Variants in GLRA3 observed in about 807,000 individuals in gnomAD.
GLRA3 encodes the protein glycine receptor subunit alpha-3.
In GLRA3, 44 loss-of-function variants were observed where a neutral mutation model predicts 60.4. That is an observed-to-expected ratio of 0.73 (90% confidence interval 0.57 to 0.94). The LOEUF (loss-of-function observed/expected upper bound fraction) is 0.94. GLRA3 is among the 40% of genes least tolerant of loss of function. GLRA3 has a pLI of 0.00. For missense variants in GLRA3, 508 were observed against 564.6 expected, an observed-to-expected ratio of 0.90 and a Z score of 1.02; for synonymous variants, 223 against 192.9, an observed-to-expected ratio of 1.16 and a Z score of -1.29.
At chr4:174,754,221 C>T (rs1737599265) in intron 3 of GLRA3, among the ~76,000 whole-genome samples, 1 of 152,030 alleles carries the variant, frequency 6.6e-6, no homozygotes, top group Admixed American at 6.6e-5. Flanking sequence ...CATGGGGTCA[C>T]CAAAGTGTAT....
chr4:174,730,012 G>A (rs948170697), intron 3 of GLRA3, among the ~76,000 whole-genome samples: 3 of 152,080 alleles, frequency 2.0e-5, no homozygotes, highest in African/African-American at 7.2e-5. Context: ...TGTGCCCTGA[G>A]ACTATATTCT....
chr4:174,754,055 A>G (rs1380700711), intron 3 of GLRA3, among the ~76,000 whole-genome samples: 1 of 152,074 alleles, frequency 6.6e-6, no homozygotes, highest in Non-Finnish European at 1.5e-5. Context: ...TTTTAACAAC[A>G]TTATAGCACT....
In GLRA3 at chr4:174,728,611, C is replaced by T. The variant is rs370809134; in HGVS notation, c.355G>A (p.Asp119Asn). 9 of 1,612,008 alleles carry T rather than the reference C, an allele frequency of 5.6e-6. No homozygotes were observed. Among genetic ancestry groups the T allele is most frequent in the South Asian group, 1.1e-5 (1 of 91,028 alleles). Residue 119 changes from aspartate (D) to asparagine (N), a missense_variant, in exon 4 of 10, where the codon GAC becomes AAC. Asp to Asn is a conservative substitution (Grantham distance 23). Transcript: ENST00000274093. ...CAAATGGAGTCCAACATGGAGGGGTCGAGGTCTAAAGAGTCGTCAGGATAT... is the reference window on the plus strand; with the variant it reads ...CAAATGGAGTCCAACATGGAGGGGTTGAGGTCTAAAGAGTCGTCAGGATAT... ...SEYPDDSLDL[D>N]PSMLDSIWKP...
intron 2 of GLRA3, among the ~76,000 whole-genome samples, chr4:174,783,954 G>GCCAT (rs1739004896): frequency 9.3e-5 from 14 of 150,916 alleles, no homozygotes; most frequent in Admixed American, 9.2e-4. Context: ...ATTTGATCCA[G>GCCAT]CCATCCCATT....
intron 1 of GLRA3, among the ~76,000 whole-genome samples, chr4:174,821,835 T>C (rs1032671098): frequency 1.1e-4 from 17 of 152,184 alleles, no homozygotes; most frequent in Admixed American, 9.2e-4. Context: ...CTAAGGAGAT[T>C]GTTTGATCCT....
At chr4:174,820,017 A>G (rs894586884) in intron 1 of GLRA3, among the ~76,000 whole-genome samples, 9 of 152,210 alleles carry the variant, frequency 5.9e-5, no homozygotes, top group African/African-American at 2.2e-4. Flanking sequence ...TATGGTATGA[A>G]GCGTTATTTT....
chr4:174,807,297 A>C (rs1355902391), intron 1 of GLRA3, among the ~76,000 whole-genome samples: 4 of 152,086 alleles, frequency 2.6e-5, no homozygotes, highest in Non-Finnish European at 4.4e-5. Context: ...ATTCAAAAAT[A>C]GTTCAAGAGT....
chr4:174,786,295 T>C (rs960694546), intron 2 of GLRA3, among the ~76,000 whole-genome samples: 1 of 152,108 alleles, frequency 6.6e-6, no homozygotes, highest in Non-Finnish European at 1.5e-5. Context: ...ATTGTATTTT[T>C]AGTCATGTGA....
Position 174,727,797 on chromosome 4 carries a change from G to GT in GLRA3, c.491+677dup, listed in dbSNP as rs201811599. Among the ~76,000 whole-genome samples, 339 of 151,624 alleles carry GT rather than the reference G, an allele frequency of 2.2e-3. 1 individual carries two copies. The highest frequency in any genetic ancestry group is 4.1e-3 in the Non-Finnish European group (277 of 67,870). ...GGTATTAATTATTATTCAATATTGG[G>GT]TTTTTTTTAATGCTATACACTTTTC... On this transcript the variant is annotated intron_variant, in intron 4 of 9. Coordinates refer to ENST00000274093, the MANE Select transcript of GLRA3 (RefSeq NM_006529.4).
intron 1 of GLRA3, among the ~76,000 whole-genome samples, chr4:174,810,324 C>T (rs1043148045): frequency 1.4e-4 from 21 of 152,100 alleles, no homozygotes; most frequent in Non-Finnish European, 2.1e-4. Flanking sequence ...AATGGATTAG[C>T]GGTGGGGAGA....
intron 5 of GLRA3, among the ~76,000 whole-genome samples, chr4:174,694,904 C>T (rs1342216770): frequency 2.0e-5 from 3 of 152,004 alleles, no homozygotes; most frequent in African/African-American, 7.2e-5. Context: ...TTACTACTGA[C>T]TCCACAGAAA....
intron 5 of GLRA3, among the ~76,000 whole-genome samples, chr4:174,692,920 AC>A (rs1734911589): frequency 6.6e-6 from 1 of 150,618 alleles, no homozygotes; most frequent in African/African-American, 2.4e-5. Flanking sequence ...TGCGAGAAAC[AC>A]CCAAAAATGA....
chr4:174,660,069 T>C (rs1032145666), intron 7 of GLRA3, among the ~76,000 whole-genome samples: 6 of 151,856 alleles, frequency 4.0e-5, no homozygotes, highest in South Asian at 2.1e-4. Context: ...TATATATATA[T>C]ACACATATAT....
chr4:174,706,694 G>A (rs192180381), intron 5 of GLRA3, among the ~76,000 whole-genome samples: 7,571 of 152,088 alleles, frequency 0.05, 218 homozygotes, highest in South Asian at 0.11. Flanking sequence ...TCTTTTCTCC[G>A]AAGGAAAATA....
intron 6 of GLRA3, among the ~76,000 whole-genome samples, chr4:174,681,037 G>A (rs1020657883): frequency 3.3e-5 from 5 of 152,140 alleles, no homozygotes; most frequent in Admixed American, 2.0e-4. Flanking sequence ...TCTATGAGAT[G>A]CTTTTATTCT....
chr4:174,788,067 T>G (rs1280368369), intron 2 of GLRA3, among the ~76,000 whole-genome samples: 1 of 150,152 alleles, frequency 6.7e-6, no homozygotes, highest in Non-Finnish European at 1.5e-5. Flanking sequence ...TGTATGTTCT[T>G]TAACTTTGTT....
At chr4:174,779,738 T>G (rs993074029) in intron 2 of GLRA3, among the ~76,000 whole-genome samples, 5 of 151,508 alleles carry the variant, frequency 3.3e-5, no homozygotes, top group Admixed American at 1.3e-4. Flanking sequence ...ATGAATGAAA[T>G]GAAGCAAGAA....
chr4:174,644,057 T>G lies in GLRA3; in HGVS notation c.1124A>C (p.Glu375Ala), dbSNP rs570403797. The change falls in exon 10 of 10, where the codon GAG becomes GCG. Residue 375 changes from glutamate (E) to alanine (A), a missense_variant. By Grantham distance (107) the Glu-to-Ala change is moderately radical. Coordinates refer to ENST00000274093, the MANE Select transcript of GLRA3 (RefSeq NM_006529.4). ...KFYRFSDMDDEVRESRFSFTA... is the reference protein window; with the variant it reads ...KFYRFSDMDDAVRESRFSFTA... Reference sequence around the variant, plus strand: ...GAAGCTGAATCGGCTTTCCCTTACCTCATCATCCTGTCAAAGAAAAATGTG... The same window carrying G: ...GAAGCTGAATCGGCTTTCCCTTACCGCATCATCCTGTCAAAGAAAAATGTG... 1 of 1,598,540 alleles carries G rather than the reference T, an allele frequency of 6.3e-7. No individual in the cohort carries two copies. Among genetic ancestry groups the G allele is most frequent in the African/African-American group, 1.3e-5 (1 of 74,258 alleles).
intron 3 of GLRA3, among the ~76,000 whole-genome samples, chr4:174,753,962 G>C (rs1737584683): frequency 6.9e-6 from 1 of 145,094 alleles, no homozygotes; most frequent in Non-Finnish European, 1.6e-5. Context: ...TCAGGATACA[G>C]ATTTTTTTTT....
Sources: gnomAD v4.1 joint callset for allele counts (sites outside exome capture counted in the v4.1 genomes callset) on GRCh38, gnomAD v4.1.1 for gene constraint, MANE v1.5 for transcripts, NCBI Gene and HGNC (gene_info 2026-07-23, HGNC 2026-07-21) for gene names.